Variants in TCF12 observed in about 807,000 individuals in gnomAD.
TCF12 encodes DNA-binding protein HTF4.
Under a neutral mutation model 86.0 loss-of-function variants are expected in TCF12, and 45 were observed. That is an observed-to-expected ratio of 0.52 (90% confidence interval 0.41 to 0.67). The LOEUF (loss-of-function observed/expected upper bound fraction) is 0.67. TCF12 is among the 30% of genes least tolerant of loss of function. The pLI, the probability that TCF12 is intolerant of heterozygous loss-of-function variation, is 0.00. For missense variants in TCF12, 881 were observed against 859.9 expected (o/e 1.02, Z -0.31); for synonymous variants, 330 against 299.6 (o/e 1.10, Z -1.05).
At chr15:57,260,319 A>G (rs921761800) in intron 16 of TCF12, among the ~76,000 whole-genome samples, 2 of 152,186 alleles carry the variant, frequency 1.3e-5, no homozygotes, top group Non-Finnish European at 2.9e-5. Flanking sequence ...ATTTATACTG[A>G]TGAAGTAAAA....
At chr15:57,157,015 A>G (rs1046017091) in intron 5 of TCF12, among the ~76,000 whole-genome samples, 1 of 152,310 alleles carries the variant, frequency 6.6e-6, no homozygotes, top group South Asian at 2.1e-4. Context: ...TGAGATGCCA[A>G]AAGTAGATGT....
Position 56,919,970 on chromosome 15 carries a change from C to T in TCF12, c.57C>T (p.Asp19=), listed in dbSNP as rs939552279. 12 of 1,613,948 alleles carry T rather than the reference C, an allele frequency of 7.4e-6. No individual in the cohort carries two copies. The highest frequency in any genetic ancestry group is 6.7e-5 in the Admixed American group (4 of 59,994). The part of the protein sequence containing the change: ...AAIGTDKELS[D]LLDFSAMFSP... ...TAGGGACCGACAAGGAGCTGAGCGA[C>T]CTACTGGACTTCAGTGCGGTATGAG... Residue 19 remains aspartate (D), a synonymous_variant, in exon 2 of 21, where the codon GAC becomes GAT. Coordinates refer to ENST00000333725, the MANE Select transcript of TCF12 (RefSeq NM_207037.2).
chr15:57,255,414 A>C (rs1265635898), intron 16 of TCF12, among the ~76,000 whole-genome samples: 2 of 152,202 alleles, frequency 1.3e-5, no homozygotes, highest in African/African-American at 2.4e-5. Flanking sequence ...CTATATGCTG[A>C]AGGAATGCAC....
chr15:57,105,055 G>T (rs1430409823), intron 5 of TCF12, among the ~76,000 whole-genome samples: 2 of 151,406 alleles, frequency 1.3e-5, no homozygotes, highest in Non-Finnish European at 2.9e-5. Flanking sequence ...TGTACTTTTA[G>T]TAGAGATGGC....
chr15:57,194,105 CA>C (rs1399535543), intron 7 of TCF12, among the ~76,000 whole-genome samples: 3 of 152,022 alleles, frequency 2.0e-5, no homozygotes, highest in African/African-American at 7.2e-5. Context: ...CTATTAAGTT[CA>C]GGGGGAAAAT....
intron 3 of TCF12, among the ~76,000 whole-genome samples, chr15:57,021,876 T>A (rs75509722): frequency 0.041 from 6,261 of 152,182 alleles, 359 homozygotes; most frequent in African/African-American, 0.13. Context: ...GATTTTGGTA[T>A]GTGCAGGGGT....
At position 57,109,019 on chromosome 15, in the gene TCF12, T is replaced by G. The variant is rs376357127; in HGVS notation, c.325+17128T>G. Among the ~76,000 whole-genome samples, 3 of 152,324 alleles carry G rather than the reference T, an allele frequency of 2.0e-5. No individual in the cohort carries two copies. In the East Asian group the frequency reaches 5.8e-4, roughly 29 times the overall value. On this transcript the variant is annotated intron_variant, in intron 5 of 20. Transcript: ENST00000333725. ...GGATGAGTCCTTGGGACAGGTGTTTTTTTGTTTGTTTGTTTTCTTGTATAT... is the reference window on the plus strand; with the variant it reads ...GGATGAGTCCTTGGGACAGGTGTTTGTTTGTTTGTTTGTTTTCTTGTATAT...
chr15:57,261,634 A>C (rs2431023), intron 16 of TCF12, among the ~76,000 whole-genome samples: 2 of 151,852 alleles, frequency 1.3e-5, no homozygotes, highest in Admixed American at 6.6e-5. Flanking sequence ...TTTTTATGTA[A>C]GTTAATACTG....
chr15:57,012,261 A>G (rs1190809635), intron 3 of TCF12, among the ~76,000 whole-genome samples: 1 of 152,222 alleles, frequency 6.6e-6, no homozygotes, highest in Non-Finnish European at 1.5e-5. Context: ...ATTAGAAAGA[A>G]AGAAGTGTTG....
chr15:56,995,000 G>T (rs978204466), intron 3 of TCF12, among the ~76,000 whole-genome samples: 3 of 152,032 alleles, frequency 2.0e-5, no homozygotes, highest in Admixed American at 1.3e-4. Context: ...GTGATTTTCA[G>T]TGGCTGTGGC....
intron 3 of TCF12, among the ~76,000 whole-genome samples, chr15:57,016,852 G>T (rs12148850): frequency 0.24 from 36,112 of 151,924 alleles, 4,367 homozygotes; most frequent in Middle Eastern, 0.25. Flanking sequence ...TATGGAGAGA[G>T]AATTTATCTC....
Position 57,169,870 on chromosome 15 carries a change from C to G in TCF12, c.390+3404C>G, listed in dbSNP as rs929407020. 4.6e-5 allele frequency among the ~76,000 whole-genome samples: 7 copies of G among 152,094 alleles called. No individual in the cohort carries two copies. The South Asian group carries it at 1.4e-3, about 32-fold the overall frequency. On this transcript the variant is annotated intron_variant, in intron 6 of 20. Coordinates refer to ENST00000333725, the MANE Select transcript of TCF12 (RefSeq NM_207037.2). ...CAATAAGTTCTATTAATGTAATTGT[C>G]CAGTTTTGCAAAGGTGAATCTTAAC...
At chr15:56,956,822 T>C (rs2061521775) in intron 3 of TCF12, among the ~76,000 whole-genome samples, 1 of 152,222 alleles carries the variant, frequency 6.6e-6, no homozygotes, top group Non-Finnish European at 1.5e-5. Context: ...ATTACAGATT[T>C]TGAGCAATTT....
chr15:57,084,532 G>C (rs2048506960), intron 4 of TCF12, among the ~76,000 whole-genome samples: 1 of 152,144 alleles, frequency 6.6e-6, no homozygotes, highest in Non-Finnish European at 1.5e-5. Context: ...TTGTTAAGAT[G>C]CAGATTCTGG....
At chr15:56,922,013 A>G (rs2059815687) in intron 3 of TCF12, among the ~76,000 whole-genome samples, 1 of 151,954 alleles carries the variant, frequency 6.6e-6, no homozygotes, top group African/African-American at 2.4e-5. Flanking sequence ...GATTTTAAGT[A>G]GGGTAAAGAC....
intron 3 of TCF12, among the ~76,000 whole-genome samples, chr15:57,035,210 C>T (rs538004969): frequency 1.1e-4 from 16 of 152,204 alleles, no homozygotes; most frequent in African/African-American, 3.1e-4. Context: ...TGAATGACTT[C>T]GGGGTTTAAA....
chr15:57,027,711 C>G (rs12439010), intron 3 of TCF12, among the ~76,000 whole-genome samples: 6,169 of 152,242 alleles, frequency 0.041, 377 homozygotes, highest in Admixed American at 0.17. Context: ...CAAATCTCAT[C>G]TTGAACTGTA....
intron 3 of TCF12, among the ~76,000 whole-genome samples, chr15:57,010,345 C>T (rs540892153): frequency 6.6e-6 from 1 of 152,050 alleles, no homozygotes; most frequent in South Asian, 2.1e-4. Flanking sequence ...GCCAGGAGTT[C>T]AAGAGCAGCC....
chr15:56,920,597 T>A (rs2059747108), intron 2 of TCF12, among the ~76,000 whole-genome samples: 1 of 152,078 alleles, frequency 6.6e-6, no homozygotes, highest in Non-Finnish European at 1.5e-5. Context: ...TTTAATTCCT[T>A]TATTAACTGC....
Sources: allele counts gnomAD v4.1 joint callset (sites outside exome capture counted in the v4.1 genomes callset), GRCh38; gene constraint gnomAD v4.1.1; transcripts MANE v1.5; gene names NCBI Gene and HGNC (gene_info 2026-07-23, HGNC 2026-07-21).